Variants in HIBADH observed in about 807,000 individuals in gnomAD.
HIBADH encodes 3-hydroxyisobutyrate dehydrogenase, also known as 3-hydroxyisobutyrate dehydrogenase, mitochondrial.
In HIBADH, 25 loss-of-function variants were observed where a neutral mutation model predicts 36.1. The observed-to-expected ratio is 0.69, with a 90% CI of 0.50 to 0.97. The LOEUF is 0.97. HIBADH is among the 50% of genes least tolerant of loss of function. HIBADH has a pLI of 0.00. For missense variants in HIBADH, 421 were observed against 418.0 expected (o/e 1.01, Z -0.06); for synonymous variants, 160 against 149.5 (o/e 1.07, Z -0.51).
chr7:27,629,210 C>T lies in HIBADH; in HGVS notation c.484+161G>A, dbSNP rs373141239. Among the ~76,000 whole-genome samples the T allele has an allele frequency of 7.9e-5, 12 of 152,118 alleles. No individual in the cohort carries two copies. In the East Asian group the frequency reaches 2.3e-3, roughly 29 times the overall value. On this transcript the variant is annotated intron_variant, in intron 4 of 7. Coordinates refer to ENST00000265395, the MANE Select transcript of HIBADH (RefSeq NM_152740.4). ...AGACTAACAATGTTAGTTATTTAGA[C>T]TTGAGAGTACTAAATAACGTATCAG... is the stretch of plus-strand genomic sequence containing the variant.
chr7:27,633,019 A>C (rs16874328), intron 2 of HIBADH, among the ~76,000 whole-genome samples: 6,611 of 152,224 alleles, frequency 0.043, 454 homozygotes, highest in African/African-American at 0.15. Flanking sequence ...ATAAACACTT[A>C]CTACAATGAC....
intron 2 of HIBADH, among the ~76,000 whole-genome samples, chr7:27,639,679 C>G (rs549743971): frequency 2.0e-5 from 3 of 152,022 alleles, no homozygotes; most frequent in Non-Finnish European, 4.4e-5. Flanking sequence ...TTCTGCCCAA[C>G]TTATTTTAAT....
chr7:27,658,186 A>C (rs1159743398), intron 1 of HIBADH, among the ~76,000 whole-genome samples: 9 of 152,214 alleles, frequency 5.9e-5, no homozygotes, highest in Non-Finnish European at 4.4e-5. Flanking sequence ...CCATGAGTAT[A>C]ATGGAATGAT....
chr7:27,624,343 T>C (rs765044850), intron 4 of HIBADH, among the ~76,000 whole-genome samples: 1 of 152,242 alleles, frequency 6.6e-6, no homozygotes, highest in Non-Finnish European at 1.5e-5. Flanking sequence ...CTGGCCTTCA[T>C]ATCAAAACCG....
chr7:27,626,908 C>CAAGA (rs1785659318), intron 4 of HIBADH, among the ~76,000 whole-genome samples: 1 of 152,150 alleles, frequency 6.6e-6, no homozygotes, highest in East Asian at 1.9e-4. Context: ...CTCAAAGATT[C>CAAGA]CATGTTTCAA....
chr7:27,541,426 T>C (rs1006171786), intron 5 of HIBADH, among the ~76,000 whole-genome samples: 18 of 152,200 alleles, frequency 1.2e-4, no homozygotes, highest in African/African-American at 3.9e-4. Context: ...TAAGTATGCC[T>C]TTCTACAGCA....
chr7:27,580,608 T>C (rs1294162158), intron 4 of HIBADH, among the ~76,000 whole-genome samples: 1 of 152,190 alleles, frequency 6.6e-6, no homozygotes, highest in Non-Finnish European at 1.5e-5. Context: ...GCAATTTATA[T>C]CTTTTTTACC....
intron 1 of HIBADH, among the ~76,000 whole-genome samples, chr7:27,656,457 C>A (rs1459195316): frequency 8.6e-5 from 13 of 151,478 alleles, no homozygotes; most frequent in Non-Finnish European, 2.9e-5. Flanking sequence ...ATGAAATGTG[C>A]AAATGTTTAA....
chr7:27,579,075 A>T (rs1364896179), intron 4 of HIBADH, among the ~76,000 whole-genome samples: 1 of 152,206 alleles, frequency 6.6e-6, no homozygotes, highest in African/African-American at 2.4e-5. Flanking sequence ...AAAACAACTA[A>T]ATGTAACATA....
chr7:27,574,060 A>C (rs1784667475), intron 4 of HIBADH, among the ~76,000 whole-genome samples: 1 of 152,188 alleles, frequency 6.6e-6, no homozygotes, highest in Admixed American at 6.6e-5. Flanking sequence ...ACTATAGAGG[A>C]CCAAGAGCTA....
chr7:27,644,962 T>C (rs1281607369), intron 2 of HIBADH, among the ~76,000 whole-genome samples: 1 of 152,118 alleles, frequency 6.6e-6, no homozygotes, highest in African/African-American at 2.4e-5. Flanking sequence ...GCTTTCAAGG[T>C]TTATCAATGT....
rs762685685 is a variant in HIBADH at position 27,645,368 on chromosome 7, ATTTT to A, written c.252+4101_252+4104del. 4.7e-3 allele frequency among the ~76,000 whole-genome samples: 279 copies of A among 59,632 alleles called. 31 individuals carry two copies. The highest frequency in any genetic ancestry group is 6.9e-3 in the Non-Finnish European group (220 of 31,774). The allele number at this position is 59,632 out of a possible 152,430, so 39.1% of individuals were successfully genotyped here. A position where few individuals can be genotyped will look rare whatever the true frequency, so the allele number is the denominator to read the frequency against. ...CTAGTGGGTGTGTCTCATGGTTTTG[ATTTT>A]TTTTTTTTTTTTTTTTTTTTTTTGA... On this transcript the variant is annotated intron_variant, in intron 2 of 7. Transcript: ENST00000265395.
intron 4 of HIBADH, among the ~76,000 whole-genome samples, chr7:27,570,284 C>G (rs1784610154): frequency 6.6e-6 from 1 of 152,152 alleles, no homozygotes; most frequent in Non-Finnish European, 1.5e-5. Context: ...ACAACTGGAA[C>G]CTACTATCAT....
At chr7:27,544,497 T>C (rs1157969590) in intron 4 of HIBADH, among the ~76,000 whole-genome samples, 1 of 152,248 alleles carries the variant, frequency 6.6e-6, no homozygotes, top group African/African-American at 2.4e-5. Flanking sequence ...TTAGCCAATC[T>C]ATGTCATTCA....
At chr7:27,643,941 T>C (rs1038944912) in intron 2 of HIBADH, among the ~76,000 whole-genome samples, 3 of 152,202 alleles carry the variant, frequency 2.0e-5, no homozygotes, top group African/African-American at 4.8e-5. Context: ...AGCTTTAGGG[T>C]CCACCCTAAA....
chr7:27,557,990 G>T (rs1349138659), intron 4 of HIBADH, among the ~76,000 whole-genome samples: 1 of 152,072 alleles, frequency 6.6e-6, no homozygotes, highest in Non-Finnish European at 1.5e-5. Context: ...ACCTCTTCTT[G>T]AATCAATTTT....
intron 4 of HIBADH, among the ~76,000 whole-genome samples, chr7:27,620,131 G>C (rs1785511321): frequency 6.6e-6 from 1 of 152,068 alleles, no homozygotes; most frequent in African/African-American, 2.4e-5. Context: ...ATCAGCCTGG[G>C]CAATATACTG....
chr7:27,642,122 C>G (rs549576959), intron 2 of HIBADH, among the ~76,000 whole-genome samples: 13 of 152,270 alleles, frequency 8.5e-5, no homozygotes, highest in Admixed American at 2.0e-4. Context: ...CTTCTTCACA[C>G]CCAGTGACAT....
chr7:27,647,918 T>C (rs188648646), intron 2 of HIBADH, among the ~76,000 whole-genome samples: 1 of 152,312 alleles, frequency 6.6e-6, no homozygotes, highest in East Asian at 1.9e-4. Flanking sequence ...AGCTTCTGCT[T>C]TGCCAGTCTA....
Sources: gnomAD v4.1 joint callset for allele counts (sites outside exome capture counted in the v4.1 genomes callset) on GRCh38, gnomAD v4.1.1 for gene constraint, MANE v1.5 for transcripts, NCBI Gene and HGNC (gene_info 2026-07-23, HGNC 2026-07-21) for gene names.